The following ERGIC1 variants were observed in gnomAD, a reference collection of about 807,000 sequenced individuals.
ERGIC1 encodes endoplasmic reticulum-golgi intermediate compartment 1.
A neutral mutation model predicts 38.3 loss-of-function variants in ERGIC1; 19 were observed. That is an observed-to-expected ratio of 0.50 (90% CI 0.35 to 0.73). The LOEUF (loss-of-function observed/expected upper bound fraction) is 0.73, where lower values mean the gene tolerates loss of function less well. Ranked by LOEUF, ERGIC1 falls within the 30% of genes least tolerant of loss-of-function variation. ERGIC1 has a pLI of 0.01. For missense variants in ERGIC1, 294 were observed against 389.2 expected, an observed-to-expected ratio of 0.76 and a Z score of 2.06; for synonymous variants, 124 against 157.6, an observed-to-expected ratio of 0.79 and a Z score of 1.60.
chr5:172,839,261 G>GTA (rs10659079), intron 1 of ERGIC1, among the ~76,000 whole-genome samples: 31,568 of 137,298 alleles, frequency 0.23, 3,818 homozygotes, highest in East Asian at 0.32. Context: ...AAAAAAAAAA[G>GTA]TATATATATA....
intron 9 of ERGIC1, among the ~76,000 whole-genome samples, chr5:172,948,197 A>G (rs947796189): frequency 6.6e-6 from 1 of 152,112 alleles, no homozygotes; most frequent in Non-Finnish European, 1.5e-5. Context: ...GGCTGTTATT[A>G]CTGGAGGACC....
rs957790399 is a variant in ERGIC1 at position 172,945,874 on chromosome 5, AG to A, written c.766-4832del. ...TAATTTTCGTATTTTCAGTAAAAACAGGGTTTCACCAAGTGACCAGGTTGGT... is the reference window on the plus strand; with the variant it reads ...TAATTTTCGTATTTTCAGTAAAAACAGGTTTCACCAAGTGACCAGGTTGGT... On this transcript the variant is annotated intron_variant, in intron 9 of 9. Coordinates refer to ENST00000393784, the MANE Select transcript of ERGIC1 (RefSeq NM_001031711.3). Among the ~76,000 whole-genome samples, 51 of 152,296 alleles carry A rather than the reference AG, an allele frequency of 3.3e-4. 1 individual carries two copies. The highest frequency in any genetic ancestry group is 1.2e-3 in the African/African-American group (49 of 41,560).
Position 172,926,870 on chromosome 5 carries a change from G to C in ERGIC1, c.541+301G>C, listed in dbSNP as rs1001851365. On this transcript the variant is annotated intron_variant, in intron 7 of 9. Transcript: ENST00000393784. This position sits in a 1 kb window ranked among gnomAD's most constrained non-coding sequence, Gnocchi z 5.2. ...CACAGCCACATCATCATCCTTAGTT[G>C]AACTAATTACCTAAGATCCCACAGG... The C allele has an allele frequency of 1.0e-5, 4 of 384,308 alleles. No homozygotes were observed. The highest frequency in any genetic ancestry group is 4.1e-5 in the African/African-American group (2 of 48,976). The allele number at this position is 384,308 out of a possible 1,614,324, so 23.8% of individuals were successfully genotyped here.
At chr5:172,922,328 A>T (rs1432142330) in intron 5 of ERGIC1, 1 of 152,312 alleles carries the variant, frequency 6.6e-6, no homozygotes, top group Non-Finnish European at 1.5e-5. Flanking sequence ...TTAGTCATTC[A>T]TTCATTCAAA....
At chr5:172,867,094 C>A (rs1284312198) in intron 1 of ERGIC1, 1 of 442,432 alleles carries the variant, frequency 2.3e-6, no homozygotes, top group Admixed American at 2.4e-5. Context: ...TCTTTGCAGA[C>A]CTTGGCTTGG....
At chr5:172,874,813 C>T (rs544950180) in intron 1 of ERGIC1, among the ~76,000 whole-genome samples, 1 of 151,708 alleles carries the variant, frequency 6.6e-6, no homozygotes, top group Admixed American at 6.6e-5. Flanking sequence ...TGTCCTAGCT[C>T]CTTGAAAGGC....
chr5:172,841,097 C>T (rs943327637), intron 1 of ERGIC1, among the ~76,000 whole-genome samples: 2 of 152,166 alleles, frequency 1.3e-5, no homozygotes, highest in Non-Finnish European at 2.9e-5. Context: ...CCTAATTGAT[C>T]CTTTAAGGAA....
intron 2 of ERGIC1, among the ~76,000 whole-genome samples, chr5:172,892,228 G>C (rs981672243): frequency 6.6e-6 from 1 of 152,166 alleles, no homozygotes. Flanking sequence ...CTACCATTTA[G>C]TGAATAAATA....
chr5:172,905,558 C>G (rs571295046), intron 3 of ERGIC1: 13 of 411,002 alleles, frequency 3.2e-5, no homozygotes, highest in Non-Finnish European at 4.6e-5. Flanking sequence ...TCATTTAGGA[C>G]AAACCCGGGC....
chr5:172,914,605 C>T, intron 4 of ERGIC1, 109 bp from the exon 5 acceptor site: 1 of 1,588,720 alleles, frequency 6.3e-7, no homozygotes, highest in Non-Finnish European at 8.6e-7. Context: ...GGTCCCCAGC[C>T]CGGCCTGCCC....
At chr5:172,857,463 C>T (rs1476362076) in intron 1 of ERGIC1, among the ~76,000 whole-genome samples, 2 of 152,136 alleles carry the variant, frequency 1.3e-5, no homozygotes, top group Non-Finnish European at 2.9e-5. Context: ...GGACTCACTG[C>T]CTTGTGTGCA....
At chr5:172,938,752 C>CAAAAAAAAAAAG (rs1039348360) in intron 9 of ERGIC1, among the ~76,000 whole-genome samples, 20 of 98,590 alleles carry the variant, frequency 2.0e-4, no homozygotes, top group African/African-American at 7.4e-4. Flanking sequence ...GACTCTATCT[C>CAAAAAAAAAAAG]AAAAAAAAAA....
rs1258453142 is a variant in ERGIC1, at chr5:172,932,546, C to T, written c.642+10C>T. ...CACGGTGGCCAACAAGGTGCGCGGG[C>T]GGTGGCTGGGCCGAGCTGTGTGCGG... On this transcript the variant is annotated intron_variant, in intron 8 of 9. Coordinates refer to ENST00000393784, the MANE Select transcript of ERGIC1 (RefSeq NM_001031711.3). The T allele has an allele frequency of 1.2e-6, 2 of 1,613,214 alleles. No homozygotes were observed. Among genetic ancestry groups the T allele is most frequent in the African/African-American group, 1.3e-5 (1 of 74,938 alleles).
chr5:172,847,028 T>TG (rs1365501455), intron 1 of ERGIC1, among the ~76,000 whole-genome samples: 8 of 152,336 alleles, frequency 5.3e-5, no homozygotes, highest in South Asian at 4.1e-4. Context: ...AGTGCTGTAA[T>TG]GCAACACACG....
At chr5:172,903,964 C>CACAT (rs1243819066) in intron 3 of ERGIC1, among the ~76,000 whole-genome samples, 1 of 97,980 alleles carries the variant, frequency 1.0e-5, no homozygotes, top group African/African-American at 4.9e-5. Context: ...ATGAGTCTCA[C>CACAT]ACATACACAC....
intron 9 of ERGIC1, among the ~76,000 whole-genome samples, chr5:172,942,588 A>T (rs1052750109): frequency 6.6e-6 from 1 of 152,182 alleles, no homozygotes; most frequent in Admixed American, 6.5e-5. Flanking sequence ...ACAGAACAGA[A>T]CCCATATTAG....
At chr5:172,851,718 G>T (rs1040014578) in intron 1 of ERGIC1, among the ~76,000 whole-genome samples, 2 of 152,080 alleles carry the variant, frequency 1.3e-5, no homozygotes, top group Non-Finnish European at 2.9e-5. Flanking sequence ...TCTGAGACAT[G>T]AGGACAGTCT....
At chr5:172,894,799 A>G (rs1762685462) in intron 2 of ERGIC1, among the ~76,000 whole-genome samples, 1 of 152,238 alleles carries the variant, frequency 6.6e-6, no homozygotes, top group South Asian at 2.1e-4. Flanking sequence ...GACATCTGTT[A>G]ATGCAGTCAC....
At chr5:172,859,070 G>A (rs922200990) in intron 1 of ERGIC1, among the ~76,000 whole-genome samples, 4 of 152,138 alleles carry the variant, frequency 2.6e-5, no homozygotes, top group South Asian at 2.1e-4. Context: ...CGCCCTTACC[G>A]GGGAGGGCTC....
Sources: allele counts gnomAD v4.1 joint callset (sites outside exome capture counted in the v4.1 genomes callset), GRCh38; gene constraint gnomAD v4.1.1; non-coding constraint Gnocchi (gnomAD v3.1); transcripts MANE v1.5; gene names NCBI Gene and HGNC (gene_info 2026-07-23, HGNC 2026-07-21).